The following OXR1 variants were observed in gnomAD, a reference collection of about 807,000 sequenced individuals.
The protein encoded by OXR1 is oxidation resistance 1, also known as oxidation resistance protein 1.
Under a neutral mutation model 104.6 loss-of-function variants are expected in OXR1, and 41 were observed. The observed-to-expected ratio is 0.39, with a 90% CI of 0.31 to 0.51. The LOEUF is 0.51. Among genes scored for constraint, OXR1 ranks in the 20% least tolerant of loss-of-function variants. OXR1 has a pLI of 0.77. For missense variants in OXR1, 955 were observed against 1,031.9 expected, an observed-to-expected ratio of 0.93 and a Z score of 1.02; for synonymous variants, 348 against 348.4, an observed-to-expected ratio of 1.00 and a Z score of 0.01.
At chr8:106,495,644 A>G (rs1368284317) in intron 2 of OXR1, among the ~76,000 whole-genome samples, 1 of 152,186 alleles carries the variant, frequency 6.6e-6, no homozygotes, top group African/African-American at 2.4e-5. Flanking sequence ...TCTTTTGCAG[A>G]CAGCTAGTGG....
chr8:106,412,572 G>C (rs1255055401), intron 2 of OXR1, among the ~76,000 whole-genome samples: 1 of 149,514 alleles, frequency 6.7e-6, no homozygotes, highest in African/African-American at 2.5e-5. Context: ...GAAAGTTCCG[G>C]AACAACCATT....
intron 2 of OXR1, among the ~76,000 whole-genome samples, chr8:106,488,873 G>A (rs1042462934): frequency 6.6e-6 from 1 of 151,540 alleles, no homozygotes; most frequent in Non-Finnish European, 1.5e-5. Flanking sequence ...CTCCAGCTTT[G>A]TTCTTTTGGC....
At chr8:106,401,422 G>A (rs1456456921) in intron 2 of OXR1, among the ~76,000 whole-genome samples, 9 of 152,124 alleles carry the variant, frequency 5.9e-5, no homozygotes, top group Non-Finnish European at 1.2e-4. Context: ...AGTTATCTAC[G>A]TGTGATGCCA....
intron 2 of OXR1, among the ~76,000 whole-genome samples, chr8:106,512,757 A>G (rs2444306): frequency 0.59 from 89,074 of 151,806 alleles, 27,364 homozygotes; most frequent in Non-Finnish European, 0.69. Flanking sequence ...AAGGGTGGAG[A>G]TAGTAGGAAA....
rs532148507 is a variant in OXR1 at position 106,577,483 on chromosome 8, G to A, written c.220+58344G>A. 6.4e-5 allele frequency among the ~76,000 whole-genome samples: 9 copies of A among 140,658 alleles called. No individual in the cohort carries two copies. The East Asian group carries it at 1.4e-3, about 22-fold the overall frequency. The allele number at this position is 140,658 out of a possible 152,430, so 92.3% of individuals were successfully genotyped here. A position where few individuals can be genotyped will look rare whatever the true frequency, so the allele number is the denominator to read the frequency against. ...CGGCTCACTGCAAACTCCGCCTCCC[G>A]GGTTCACACCATTCTCCTGCCTCAA... On this transcript the variant is annotated intron_variant, in intron 3 of 16. Transcript: ENST00000517566.
At chr8:106,722,322 T>A (rs1485000324) in intron 11 of OXR1, among the ~76,000 whole-genome samples, 5 of 152,138 alleles carry the variant, frequency 3.3e-5, no homozygotes, top group African/African-American at 9.7e-5. Flanking sequence ...AAAGGGAATT[T>A]TTTTAAGTAT....
chr8:106,412,558 C>T (rs6469068), intron 2 of OXR1, among the ~76,000 whole-genome samples: 57,377 of 151,902 alleles, frequency 0.38, 12,170 homozygotes, highest in East Asian at 0.7. Context: ...TTTATGTTGG[C>T]ACAGAAAGTT....
intron 2 of OXR1, among the ~76,000 whole-genome samples, chr8:106,515,636 T>C (rs1414075310): frequency 6.6e-6 from 1 of 152,198 alleles, no homozygotes; most frequent in African/African-American, 2.4e-5. Context: ...TAGTATTCCG[T>C]TGTGTATACA....
At chr8:106,742,773 C>T (rs1183185922) in intron 15 of OXR1, among the ~76,000 whole-genome samples, 9 of 152,176 alleles carry the variant, frequency 5.9e-5, no homozygotes, top group South Asian at 4.2e-4. Flanking sequence ...GAACCCCTTC[C>T]GTAAACCATA....
chr8:106,706,958 G>A lies in OXR1; in HGVS notation c.1437G>A (p.Lys479=), dbSNP rs754676526. The change falls in exon 9 of 17, where the codon AAG becomes AAA. Residue 479 remains lysine (K), a synonymous_variant. Transcript: ENST00000517566. ...GGGAAACAGCAGAATTTAAACAAAA[G>A]CAAAGTGTTAACAAAGGAAAACAAG... ...PCGETAEFKQ[K]QSVNKGKQGK... 8.7e-6 allele frequency: 14 copies of A among 1,613,450 alleles called. No individual in the cohort carries two copies. The East Asian group carries it at 2.7e-4, about 31-fold the overall frequency.
intron 2 of OXR1, among the ~76,000 whole-genome samples, chr8:106,406,769 T>C (rs1818253901): frequency 6.6e-6 from 1 of 152,126 alleles, no homozygotes; most frequent in Non-Finnish European, 1.5e-5. Flanking sequence ...ACTATAATGG[T>C]GGATACCTGT....
intron 3 of OXR1, among the ~76,000 whole-genome samples, chr8:106,658,554 G>C (rs1210503375): frequency 6.6e-6 from 1 of 152,202 alleles, no homozygotes; most frequent in Non-Finnish European, 1.5e-5. Context: ...TTGGATTCTT[G>C]AAGAGCGCTG....
intron 2 of OXR1, among the ~76,000 whole-genome samples, chr8:106,477,552 T>A (rs569400857): frequency 2.8e-3 from 419 of 152,106 alleles, no homozygotes; most frequent in African/African-American, 9.5e-3. Context: ...ATAGATGGTG[T>A]ATATTTTATG....
chr8:106,519,383 ATACATATACG>A (rs1281773357), intron 3 of OXR1, among the ~76,000 whole-genome samples: 2 of 152,222 alleles, frequency 1.3e-5, no homozygotes, highest in South Asian at 2.1e-4. Context: ...GGAAGTAAAT[ATACATATACG>A]TACATATACG....
chr8:106,543,549 T>C (rs1290811026), intron 3 of OXR1, among the ~76,000 whole-genome samples: 4 of 152,156 alleles, frequency 2.6e-5, no homozygotes, highest in East Asian at 1.9e-4. Flanking sequence ...TGAATATTCA[T>C]TGATGAGCTG....
At chr8:106,551,933 G>A (rs1441342447) in intron 3 of OXR1, among the ~76,000 whole-genome samples, 9 of 147,536 alleles carry the variant, frequency 6.1e-5, no homozygotes, top group African/African-American at 2.0e-4. Flanking sequence ...ATGGTGGTGC[G>A]CACTGTGGTC....
intron 4 of OXR1, among the ~76,000 whole-genome samples, chr8:106,680,133 T>C (rs527673709): frequency 1.4e-4 from 22 of 152,232 alleles, no homozygotes; most frequent in Admixed American, 6.5e-4. Context: ...TATTTTGATA[T>C]ACCATTCATA....
At chr8:106,690,490 C>T (rs948543256) in intron 6 of OXR1, among the ~76,000 whole-genome samples, 4 of 150,046 alleles carry the variant, frequency 2.7e-5, no homozygotes, top group Admixed American at 1.3e-4. Context: ...TTAGTGTTTG[C>T]GAAGATTTTA....
chr8:106,708,386 A>T (rs933263434), intron 9 of OXR1, among the ~76,000 whole-genome samples: 2 of 152,128 alleles, frequency 1.3e-5, no homozygotes, highest in African/African-American at 4.8e-5. Context: ...GCAACAGAGC[A>T]AGATGCTGTC....
Sources: allele counts gnomAD v4.1 joint callset (sites outside exome capture counted in the v4.1 genomes callset), GRCh38; gene constraint gnomAD v4.1.1; transcripts MANE v1.5; gene names NCBI Gene and HGNC (gene_info 2026-07-23, HGNC 2026-07-21).